NEMP2: variants seen among roughly 807,000 people sequenced by gnomAD.
The protein encoded by NEMP2 is nuclear envelope integral membrane protein 2.
In NEMP2, 53 loss-of-function variants were observed where a neutral mutation model predicts 54.2. That is an observed-to-expected ratio of 0.98 (90% confidence interval 0.78 to 1.23). The LOEUF (loss-of-function observed/expected upper bound fraction) is 1.23, where lower values mean the gene tolerates loss of function less well. Ranked by LOEUF, NEMP2 falls within the 50% of genes most tolerant of loss-of-function variation. The pLI is 0.00. For missense variants in NEMP2, 455 were observed against 511.3 expected (o/e 0.89, Z 1.06); for synonymous variants, 197 against 190.3 (o/e 1.04, Z -0.29).
chr2:190,559,276 A>G, the NEMP2 span, among the ~76,000 whole-genome samples: 60 of 152,296 alleles, frequency 3.9e-4, no homozygotes, highest in Non-Finnish European at 7.1e-4. The surrounding 1 kb of genome is among the most constrained non-coding windows in gnomAD (Gnocchi z 4.0). Context: ...AAGATAATTG[A>G]CTTCCATTTG....
At chr2:190,511,335 G>C (rs549910374) in intron 7 of NEMP2, among the ~76,000 whole-genome samples, 3 of 152,140 alleles carry the variant, frequency 2.0e-5, no homozygotes, top group Admixed American at 2.0e-4. Flanking sequence ...TCTAATCCTA[G>C]AGAGAAAGAG....
the NEMP2 span, among the ~76,000 whole-genome samples, chr2:190,457,957 T>C: frequency 6.6e-6 from 1 of 152,190 alleles, no homozygotes; most frequent in Non-Finnish European, 1.5e-5. The surrounding 1 kb of genome is among the most constrained non-coding windows in gnomAD (Gnocchi z 5.1). Context: ...TGAAATAAAG[T>C]AAATGAGTAA....
rs1690797318 is a variant in NEMP2, at chr2:190,522,819, A to C, written c.213+2444T>G. Among the ~76,000 whole-genome samples the C allele has an allele frequency of 6.6e-6, 1 of 152,236 alleles. No homozygotes were observed. The highest frequency in any genetic ancestry group is 2.4e-5 in the African/African-American group (1 of 41,454). On this transcript the variant is annotated intron_variant, in intron 2 of 8. Transcript: ENST00000409150. This position sits in a 1 kb window ranked among gnomAD's most constrained non-coding sequence, Gnocchi z 5.0. ...ATAATAACTCTTTCAACCAATTGCC[A>C]ATCAGAAAATTTAAAAATCTACCTA...
At chr2:190,517,753 C>A (rs1440324946) in intron 4 of NEMP2, 140 bp from the exon 5 acceptor site, 2 of 650,846 alleles carry the variant, frequency 3.1e-6, no homozygotes, top group Admixed American at 3.4e-5. Flanking sequence ...ACATCCTATA[C>A]TCTTAAAAAA....
chr2:190,635,073 T>C, the NEMP2 span, among the ~76,000 whole-genome samples: 367 of 152,346 alleles, frequency 2.4e-3, 3 homozygotes, highest in African/African-American at 8.4e-3. The surrounding 1 kb of genome is among the most constrained non-coding windows in gnomAD (Gnocchi z 4.1). Flanking sequence ...TCCATAAGCC[T>C]TTCTTGTTCT....
the NEMP2 span, chr2:190,648,252 T>G: frequency 3.9e-5 from 6 of 152,376 alleles, no homozygotes; most frequent in East Asian, 1.2e-3. Context: ...AAGCTGTACT[T>G]CGGACTCCCT....
At chr2:190,463,338 T>C in the NEMP2 span, among the ~76,000 whole-genome samples, 1 of 152,218 alleles carries the variant, frequency 6.6e-6, no homozygotes, top group Non-Finnish European at 1.5e-5. This position sits in a 1 kb window ranked among gnomAD's most constrained non-coding sequence, Gnocchi z 4.4. Flanking sequence ...GTCAATAGTG[T>C]GAATCAGTGA....
the NEMP2 span, among the ~76,000 whole-genome samples, chr2:190,579,563 G>A: frequency 2.0e-5 from 3 of 152,082 alleles, no homozygotes; most frequent in Non-Finnish European, 4.4e-5. Context: ...ATATTTAAGT[G>A]TTATAAATAT....
chr2:190,547,217 C>T, the NEMP2 span, among the ~76,000 whole-genome samples: 1 of 152,214 alleles, frequency 6.6e-6, no homozygotes, highest in African/African-American at 2.4e-5. This position sits in a 1 kb window ranked among gnomAD's most constrained non-coding sequence, Gnocchi z 6.2. Context: ...TCATAGAAGA[C>T]AAAAACTGGA....
At chr2:190,591,484 C>CGT in the NEMP2 span, among the ~76,000 whole-genome samples, 1 of 151,676 alleles carries the variant, frequency 6.6e-6, no homozygotes, top group Non-Finnish European at 1.5e-5. The surrounding 1 kb of genome is among the most constrained non-coding windows in gnomAD (Gnocchi z 5.4). Flanking sequence ...CGTGTGTGTG[C>CGT]GTGTGTGTGT....
chr2:190,463,665 C>A, the NEMP2 span, among the ~76,000 whole-genome samples: 1 of 151,928 alleles, frequency 6.6e-6, no homozygotes, highest in African/African-American at 2.4e-5. The surrounding 1 kb of genome is among the most constrained non-coding windows in gnomAD (Gnocchi z 4.4). Flanking sequence ...TACTAAAAAT[C>A]AAAAGTTAGC....
chr2:190,633,311 C>CT, the NEMP2 span, among the ~76,000 whole-genome samples: 8,855 of 132,486 alleles, frequency 0.067, 815 homozygotes, highest in African/African-American at 0.2. Flanking sequence ...TCAACTTTTC[C>CT]TTTTTTTTTT....
chr2:190,472,234 G>A, the NEMP2 span, among the ~76,000 whole-genome samples: 1 of 152,202 alleles, frequency 6.6e-6, no homozygotes, highest in Non-Finnish European at 1.5e-5. Context: ...AACAAAGCTG[G>A]ACAGAGAATG....
chr2:190,499,711 A>C, downstream of NEMP2: 1 of 1,092,250 alleles, frequency 9.2e-7, no homozygotes, highest in Non-Finnish European at 1.2e-6. This position sits in a 1 kb window ranked among gnomAD's most constrained non-coding sequence, Gnocchi z 6.0. Context: ...TGGGGGGCTC[A>C]GTAAATATTT....
At chr2:190,566,951 C>T in the NEMP2 span, among the ~76,000 whole-genome samples, 12 of 151,582 alleles carry the variant, frequency 7.9e-5, no homozygotes, top group East Asian at 1.9e-4. Context: ...AAATATAAGT[C>T]GGCAAAAAAA....
At chr2:190,496,800 C>A in the NEMP2 span, among the ~76,000 whole-genome samples, 1 of 152,232 alleles carries the variant, frequency 6.6e-6, no homozygotes, top group African/African-American at 2.4e-5. This position sits in a 1 kb window ranked among gnomAD's most constrained non-coding sequence, Gnocchi z 4.7. Context: ...CTAAGTGAAG[C>A]AACTCAAGAA....
At chr2:190,597,620 G>C in the NEMP2 span, among the ~76,000 whole-genome samples, 5 of 152,134 alleles carry the variant, frequency 3.3e-5, no homozygotes, top group African/African-American at 1.2e-4. This position sits in a 1 kb window ranked among gnomAD's most constrained non-coding sequence, Gnocchi z 4.7. Flanking sequence ...TTCCAGGACA[G>C]AATAAAAACC....
the NEMP2 span, among the ~76,000 whole-genome samples, chr2:190,467,133 T>C: frequency 1.3e-5 from 2 of 152,334 alleles, no homozygotes; most frequent in Admixed American, 1.3e-4. This position sits in a 1 kb window ranked among gnomAD's most constrained non-coding sequence, Gnocchi z 5.5. Flanking sequence ...GATGGGATTA[T>C]ATTACAGTAT....
chr2:190,601,382 C>T, the NEMP2 span, among the ~76,000 whole-genome samples: 10 of 152,172 alleles, frequency 6.6e-5, no homozygotes, highest in Admixed American at 1.3e-4. This position sits in a 1 kb window ranked among gnomAD's most constrained non-coding sequence, Gnocchi z 5.8. Flanking sequence ...TTGTTTAAGC[C>T]GCTCGCTTTG....
Sources: gnomAD v4.1 joint callset for allele counts (sites outside exome capture counted in the v4.1 genomes callset) on GRCh38, gnomAD v4.1.1 for gene constraint, Gnocchi (gnomAD v3.1) non-coding constraint, MANE v1.5 for transcripts, NCBI Gene and HGNC (gene_info 2026-07-23, HGNC 2026-07-21) for gene names.